Variants in DLC1 observed in about 807,000 individuals in gnomAD.
DLC1 encodes rho GTPase-activating protein 7.
A neutral mutation model predicts 140.3 loss-of-function variants in DLC1; 54 were observed. The ratio of observed to expected loss-of-function variants is 0.38; its 90% CI spans 0.31 to 0.48. The LOEUF (loss-of-function observed/expected upper bound fraction) is 0.48. Ranked by LOEUF, DLC1 falls within the 20% of genes least tolerant of loss-of-function variation. The pLI, the probability that DLC1 is intolerant of heterozygous loss-of-function variation, is 0.96. For synonymous variants in DLC1, 986 were observed against 728.1 expected, an observed-to-expected ratio of 1.35 and a Z score of -5.70; for missense variants, 2,536 against 1,907.0, an observed-to-expected ratio of 1.33 and a Z score of -6.14.
intron 2 of DLC1, among the ~76,000 whole-genome samples, chr8:13,449,254 A>G (rs934627149): frequency 2.6e-5 from 4 of 152,204 alleles, no homozygotes; most frequent in Non-Finnish European, 5.9e-5. Flanking sequence ...GGAGATTGGC[A>G]CACAGCTCAG....
intron 1 of DLC1, among the ~76,000 whole-genome samples, chr8:13,598,613 T>C (rs1805759573): frequency 6.6e-6 from 1 of 152,242 alleles, no homozygotes; most frequent in African/African-American, 2.4e-5. Flanking sequence ...TTTCAATCCA[T>C]AAGCTGATGA....
intron 2 of DLC1, among the ~76,000 whole-genome samples, chr8:13,453,843 G>A (rs1477418274): frequency 2.6e-5 from 4 of 151,826 alleles, no homozygotes; most frequent in African/African-American, 9.7e-5. Flanking sequence ...GGATGTAAAT[G>A]TTTCTGATTT....
intron 4 of DLC1, chr8:13,341,229 A>C (rs983365271): frequency 6.6e-6 from 1 of 152,252 alleles, no homozygotes; most frequent in African/African-American, 2.4e-5. Context: ...AGACCTCACG[A>C]AACTGCAAAG....
chr8:13,219,632 G>C (rs890573813), intron 5 of DLC1, among the ~76,000 whole-genome samples: 40 of 151,610 alleles, frequency 2.6e-4, no homozygotes, highest in African/African-American at 9.2e-4. Flanking sequence ...ATTCCTTGGA[G>C]ATATTTTTGG....
At chr8:13,120,569 C>T (rs960597073) in intron 5 of DLC1, among the ~76,000 whole-genome samples, 1 of 151,370 alleles carries the variant, frequency 6.6e-6, no homozygotes, top group Non-Finnish European at 1.5e-5. Context: ...GTGAAAATTA[C>T]GAGGATGATT....
intron 5 of DLC1, among the ~76,000 whole-genome samples, chr8:13,159,889 G>C (rs1208119159): frequency 6.6e-6 from 1 of 151,822 alleles, no homozygotes; most frequent in Non-Finnish European, 1.5e-5. Context: ...GCCAGGTGTG[G>C]AGGCTCAAGT....
chr8:13,447,074 A>C (rs560598111), intron 2 of DLC1, among the ~76,000 whole-genome samples: 3 of 152,284 alleles, frequency 2.0e-5, no homozygotes, highest in South Asian at 4.1e-4. Flanking sequence ...AATTTCTCTA[A>C]ACTTTCCCTG....
chr8:13,583,625 A>T (rs922279130), intron 1 of DLC1, among the ~76,000 whole-genome samples: 6 of 152,248 alleles, frequency 3.9e-5, no homozygotes, highest in Non-Finnish European at 4.4e-5. Flanking sequence ...AAAACAAGGT[A>T]TGCTTTTATT....
chr8:13,281,810 C>A (rs1367593224), intron 5 of DLC1, among the ~76,000 whole-genome samples: 1 of 152,172 alleles, frequency 6.6e-6, no homozygotes, highest in African/African-American at 2.4e-5. Context: ...GTAACATTAT[C>A]TTATTTCCTT....
At chr8:13,204,802 T>C (rs111439712) in intron 5 of DLC1, among the ~76,000 whole-genome samples, 9 of 152,370 alleles carry the variant, frequency 5.9e-5, no homozygotes, top group African/African-American at 2.2e-4. Context: ...CATTCATTTA[T>C]TAACTCAGCC....
At chr8:13,260,950 G>A (rs908029226) in intron 5 of DLC1, among the ~76,000 whole-genome samples, 2 of 152,168 alleles carry the variant, frequency 1.3e-5, no homozygotes, top group Admixed American at 1.3e-4. Flanking sequence ...GTTAATATAT[G>A]TATTCTTGCA....
chr8:13,331,576 A>G (rs1833590698), intron 4 of DLC1, among the ~76,000 whole-genome samples: 1 of 152,100 alleles, frequency 6.6e-6, no homozygotes. Flanking sequence ...AATTCTGTGC[A>G]CCATATAATG....
intron 4 of DLC1, among the ~76,000 whole-genome samples, chr8:13,391,520 A>G (rs1265156282): frequency 1.3e-5 from 2 of 152,202 alleles, no homozygotes; most frequent in Non-Finnish European, 1.5e-5. Flanking sequence ...ACAAAAAAAA[A>G]TTGAAGAAAG....
chr8:13,571,201 G>C (rs1371524411), intron 1 of DLC1, among the ~76,000 whole-genome samples: 2 of 151,464 alleles, frequency 1.3e-5, no homozygotes, highest in Admixed American at 1.3e-4. Flanking sequence ...TTTTCCTTTT[G>C]TTTTTCTTGG....
chr8:13,425,895 A>T (rs1838553116), intron 2 of DLC1, among the ~76,000 whole-genome samples: 1 of 152,140 alleles, frequency 6.6e-6, no homozygotes, highest in African/African-American at 2.4e-5. Context: ...ATTGTCCTCT[A>T]TTTAGAACAA....
At position 13,566,454 on chromosome 8, in the gene DLC1, C is replaced by T. The variant is rs112800335; in HGVS notation, c.-126+38083G>A. Among the ~76,000 whole-genome samples, 465 of 150,722 alleles carry T rather than the reference C, an allele frequency of 3.1e-3. 4 individuals carry two copies. Among genetic ancestry groups the T allele is most frequent in the African/African-American group, 0.01 (430 of 41,128 alleles). On this transcript the variant is annotated intron_variant, in intron 1 of 1. Coordinates refer to the DLC1 transcript ENST00000631382. ...AATGGTTTCTGTATTTTGACTTTTC[C>T]CCAAAGACATGCTCTACAAGGAGGT... is the stretch of plus-strand genomic sequence containing the variant.
intron 4 of DLC1, among the ~76,000 whole-genome samples, chr8:13,321,617 G>A (rs1833127932): frequency 6.8e-6 from 1 of 146,716 alleles, no homozygotes; most frequent in Non-Finnish European, 1.5e-5. Flanking sequence ...TGTCCCCAAT[G>A]TAATGAAGCC....
chr8:13,186,081 CT>C (rs199670103), intron 5 of DLC1, among the ~76,000 whole-genome samples: 4,347 of 152,200 alleles, frequency 0.029, 93 homozygotes, highest in Non-Finnish European at 0.045. Context: ...GCCCGTAACG[CT>C]TTTTTCTGCA....
chr8:13,592,225 C>A (rs926694907), intron 1 of DLC1, among the ~76,000 whole-genome samples: 3 of 152,020 alleles, frequency 2.0e-5, no homozygotes, highest in Non-Finnish European at 4.4e-5. Context: ...TAGAAATTTT[C>A]GATTCAAGTA....
Sources: allele counts gnomAD v4.1 joint callset (sites outside exome capture counted in the v4.1 genomes callset), GRCh38; gene constraint gnomAD v4.1.1; transcripts MANE v1.5; gene names NCBI Gene and HGNC (gene_info 2026-07-23, HGNC 2026-07-21).